TMEM132B: variants seen among roughly 807,000 people sequenced by gnomAD.
The protein encoded by TMEM132B is transmembrane protein 132B.
TMEM132B carries 18 observed loss-of-function variants against 90.8 expected under a neutral mutation model. The observed-to-expected ratio is 0.20, with a 90% CI of 0.14 to 0.29. The LOEUF (loss-of-function observed/expected upper bound fraction) is 0.29, where lower values mean the gene tolerates loss of function less well. Ranked by LOEUF, TMEM132B falls within the 10% of genes least tolerant of loss-of-function variation. TMEM132B has a pLI of 1.00. For synonymous variants in TMEM132B, 504 were observed against 523.3 expected, an observed-to-expected ratio of 0.96 and a Z score of 0.50; for missense variants, 1,096 against 1,326.8, an observed-to-expected ratio of 0.83 and a Z score of 2.70.
chr12:125,265,072 T>G (rs918844005), intron 1 of TMEM132B, among the ~76,000 whole-genome samples: 1 of 152,218 alleles, frequency 6.6e-6, no homozygotes, highest in African/African-American at 2.4e-5. Context: ...TACTGAATAC[T>G]GCAGGCAATT....
intron 5 of TMEM132B, 36 bp downstream of exon 5, chr12:125,584,030 TCA>T (rs776847985): frequency 1.1e-4 from 172 of 1,613,634 alleles, no homozygotes; most frequent in Non-Finnish European, 1.4e-4. Context: ...TCCTAAGTGC[TCA>T]GAGCTTTTTG....
intron 2 of TMEM132B, among the ~76,000 whole-genome samples, chr12:125,386,582 CGTTT>C (rs1334835575): frequency 6.6e-6 from 1 of 152,068 alleles, no homozygotes; most frequent in African/African-American, 2.4e-5. Context: ...TCTACTTGTT[CGTTT>C]GTTACAGTTT....
chr12:125,319,266 AAC>A (rs1876365046), intron 1 of TMEM132B, among the ~76,000 whole-genome samples: 1 of 152,228 alleles, frequency 6.6e-6, no homozygotes, highest in South Asian at 2.1e-4. Context: ...TACTATGCAC[AAC>A]ACACAGTAGA....
At chr12:125,610,027 T>C (rs1885789187) in intron 5 of TMEM132B, among the ~76,000 whole-genome samples, 1 of 151,900 alleles carries the variant, frequency 6.6e-6, no homozygotes, top group Non-Finnish European at 1.5e-5. Context: ...CTTAATTTAA[T>C]TTTCTAATTT....
At chr12:125,308,078 A>AAAAG (rs1306782947) in intron 1 of TMEM132B, among the ~76,000 whole-genome samples, 1 of 144,536 alleles carries the variant, frequency 6.9e-6, no homozygotes, top group Admixed American at 7.0e-5. Flanking sequence ...CAAGTATATT[A>AAAAG]TAAGTATATA....
intron 4 of TMEM132B, among the ~76,000 whole-genome samples, chr12:125,529,973 G>A (rs929268116): frequency 5.9e-5 from 9 of 152,138 alleles, no homozygotes; most frequent in Non-Finnish European, 1.0e-4. Context: ...AGGCTGCAGT[G>A]AGCTGTGATT....
At position 125,242,804 on chromosome 12, in the gene TMEM132B, C is replaced by T. The variant is rs139142723; in HGVS notation, c.67+55938C>T. 5.6e-4 allele frequency among the ~76,000 whole-genome samples: 86 copies of T among 152,342 alleles called. 1 individual carries two copies. In the East Asian group the frequency reaches 0.016, roughly 29 times the overall value. ...CAGCCCCAGAGCCTCCCACTGCCCA[C>T]TGCTCCATCCTGTTAGTCCACTTTC... On this transcript the variant is annotated intron_variant, in intron 1 of 8. Coordinates refer to ENST00000682704, the MANE Select transcript of TMEM132B (RefSeq NM_001366854.1).
chr12:125,562,505 A>G (rs1048992184), intron 4 of TMEM132B, among the ~76,000 whole-genome samples: 1 of 152,176 alleles, frequency 6.6e-6, no homozygotes, highest in Non-Finnish European at 1.5e-5. Flanking sequence ...ATTCCTCATG[A>G]AGCTTAATCA....
intron 3 of TMEM132B, among the ~76,000 whole-genome samples, chr12:125,431,419 C>T (rs1163167741): frequency 6.6e-6 from 1 of 152,036 alleles, no homozygotes; most frequent in Non-Finnish European, 1.5e-5. Context: ...GGAAAGACAC[C>T]AGCCCCCTGG....
chr12:125,632,096 A>C (rs1215735419), intron 5 of TMEM132B, among the ~76,000 whole-genome samples: 1 of 151,274 alleles, frequency 6.6e-6, no homozygotes, highest in Admixed American at 6.6e-5. Flanking sequence ...TGTGAAGGTG[A>C]TTTTTTTGGT....
At chr12:125,440,222 G>A (rs1241225421) in intron 3 of TMEM132B, among the ~76,000 whole-genome samples, 1 of 152,080 alleles carries the variant, frequency 6.6e-6, no homozygotes, top group Non-Finnish European at 1.5e-5. Context: ...TCTTGTTCTG[G>A]ATTGGCATTC....
intron 3 of TMEM132B, among the ~76,000 whole-genome samples, chr12:125,517,327 A>ATTTTTT (rs56147854): frequency 2.1e-4 from 6 of 28,414 alleles, no homozygotes; most frequent in East Asian, 9.2e-4. Context: ...TGCCCTGCTG[A>ATTTTTT]TTTTTTTTTT....
chr12:125,591,709 C>G (rs1885322972), intron 5 of TMEM132B, among the ~76,000 whole-genome samples: 2 of 152,184 alleles, frequency 1.3e-5, no homozygotes. Context: ...CGTTCCTTGC[C>G]TCTTCCAGCT....
chr12:125,398,100 A>G (rs1184538707), intron 2 of TMEM132B, among the ~76,000 whole-genome samples: 1 of 152,168 alleles, frequency 6.6e-6, no homozygotes, highest in Non-Finnish European at 1.5e-5. Context: ...GGTGGGCATT[A>G]TCTAGAGAGG....
At chr12:125,380,986 CAG>C (rs1878664044) in intron 2 of TMEM132B, among the ~76,000 whole-genome samples, 1 of 152,128 alleles carries the variant, frequency 6.6e-6, no homozygotes, top group Admixed American at 6.5e-5. Context: ...TTTAAATGCT[CAG>C]AGTTGCTTCT....
Position 125,278,859 on chromosome 12 carries a change from A to G in TMEM132B, c.68-70593A>G, listed in dbSNP as rs972426331. The stretch of plus-strand genomic sequence containing the variant: ...AAGGTGGTGAACCCTGGAAAGAGTG[A>G]CTGAGAGAAACTCTTGAATTTCCCT... On this transcript the variant is annotated intron_variant, in intron 1 of 8. Transcript: ENST00000682704. Among the ~76,000 whole-genome samples the G allele has an allele frequency of 3.3e-5, 5 of 152,088 alleles. No homozygotes were observed. The East Asian group carries it at 5.8e-4, about 18-fold the overall frequency.
At chr12:125,510,743 A>G (rs999096828) in intron 3 of TMEM132B, among the ~76,000 whole-genome samples, 1 of 152,202 alleles carries the variant, frequency 6.6e-6, no homozygotes, top group African/African-American at 2.4e-5. Context: ...CCCTTCTCTG[A>G]GGTAGGCATT....
At chr12:125,239,440 G>T (rs4237994) in intron 1 of TMEM132B, among the ~76,000 whole-genome samples, 134,062 of 152,192 alleles carry the variant, frequency 0.88, 59,156 homozygotes, top group East Asian at 0.96. Context: ...GGTTTCTGGC[G>T]TCAGGAATGG....
At chr12:125,626,737 G>T (rs1029180053) in intron 5 of TMEM132B, among the ~76,000 whole-genome samples, 9 of 151,930 alleles carry the variant, frequency 5.9e-5, no homozygotes, top group African/African-American at 2.2e-4. Context: ...CTTTGCTTTT[G>T]GTTTTCAGCA....
Sources: allele counts gnomAD v4.1 joint callset (sites outside exome capture counted in the v4.1 genomes callset), GRCh38; gene constraint gnomAD v4.1.1; transcripts MANE v1.5; gene names NCBI Gene and HGNC (gene_info 2026-07-23, HGNC 2026-07-21).